Variants in CEP164 observed in about 807,000 individuals in gnomAD.
CEP164 encodes the protein centrosomal protein of 164 kDa.
CEP164 carries 162 observed loss-of-function variants against 182.7 expected under a neutral mutation model. The observed-to-expected ratio is 0.89, with a 90% CI of 0.78 to 1.01. The LOEUF is 1.01. CEP164 is among the 50% of genes least tolerant of loss of function. The pLI, the probability that CEP164 is intolerant of heterozygous loss-of-function variation, is 0.00. For synonymous variants in CEP164, 661 were observed against 690.0 expected, an observed-to-expected ratio of 0.96 and a Z score of 0.66; for missense variants, 1,735 against 1,790.4, an observed-to-expected ratio of 0.97 and a Z score of 0.56.
intron 12 of CEP164, 134 bp downstream of exon 12, chr11:117,380,839 G>A (rs1448287123): frequency 5.5e-6 from 4 of 730,076 alleles, no homozygotes; most frequent in Non-Finnish European, 6.9e-6. Context: ...TGGCTGGATG[G>A]CCTTGCAGGG....
At chr11:117,387,460 T>C in intron 15 of CEP164, 48 bp downstream of exon 15, 1 of 1,583,576 alleles carries the variant, frequency 6.3e-7, no homozygotes, top group South Asian at 1.1e-5. Context: ...TTCAGGGATG[T>C]GAGGAGCCAG....
chr11:117,346,644 G>A (rs950112414), intron 4 of CEP164, among the ~76,000 whole-genome samples: 2 of 151,892 alleles, frequency 1.3e-5, no homozygotes, highest in African/African-American at 4.8e-5. Flanking sequence ...TTGGAGGATT[G>A]CTTGAGCTCA....
chr11:117,395,572 T>A lies in CEP164; in HGVS notation c.2939T>A (p.Leu980Gln), dbSNP rs553903402. 1 of 1,613,008 alleles carries A rather than the reference T, an allele frequency of 6.2e-7. No individual in the cohort carries two copies. The highest frequency in any genetic ancestry group is 2.2e-5 in the East Asian group (1 of 44,870). Reference protein sequence around the residue: ...SEEATATHQQLEEAQKEHTHL... With the variant: ...SEEATATHQQQEEAQKEHTHL... ...GAAGCCACAGCCACCCATCAGCAGC[T>A]GGAGGAGGCACAGAAGGAGCACACC... The change falls in exon 24 of 33, where the codon CTG becomes CAG. Residue 980 changes from leucine (L) to glutamine (Q), a missense_variant. By Grantham distance (113) the Leu-to-Gln change is moderately radical. Coordinates refer to ENST00000278935, the MANE Select transcript of CEP164 (RefSeq NM_014956.5).
chr11:117,338,495 C>T lies in CEP164; in HGVS notation c.-21-71C>T, dbSNP rs2037558559. On this transcript the variant is annotated intron_variant, in intron 2 of 32. Transcript: ENST00000278935. ...GGTTTGACCCAGATGCTCCATGACC[C>T]AGTGCCAACTTTTCCCCTGTTAAGC... 2.7e-6 allele frequency: 3 copies of T among 1,122,576 alleles called. No homozygotes were observed. In the South Asian group the frequency reaches 3.8e-5, roughly 14 times the overall value. The allele number at this position is 1,122,576 out of a possible 1,614,324, so 69.5% of individuals were successfully genotyped here. A position where few individuals can be genotyped will look rare whatever the true frequency, so the allele number is the denominator to read the frequency against.
intron 5 of CEP164, chr11:117,356,036 T>G (rs1464829065): frequency 9.2e-7 from 1 of 1,082,300 alleles, no homozygotes; most frequent in Non-Finnish European, 1.1e-6. Context: ...CAACCTGGCC[T>G]CACACCTGGG....
chr11:117,397,866 C>G (rs937604004), intron 27 of CEP164, among the ~76,000 whole-genome samples: 9 of 152,136 alleles, frequency 5.9e-5, no homozygotes, highest in Admixed American at 5.2e-4. Context: ...AGAGCCAAAC[C>G]ATATCATTCC....
At position 117,409,178 on chromosome 11, in the gene CEP164, G is replaced by A; in HGVS notation, c.3748+150G>A. The A allele has an allele frequency of 1.9e-6, 2 of 1,044,864 alleles. No individual in the cohort carries two copies. Among genetic ancestry groups the A allele is most frequent in the Non-Finnish European group, 2.7e-6 (2 of 729,386 alleles). The allele number at this position is 1,044,864 out of a possible 1,614,324, so 64.7% of individuals were successfully genotyped here. A position where few individuals can be genotyped will look rare whatever the true frequency, so the allele number is the denominator to read the frequency against. On this transcript the variant is annotated intron_variant, in intron 29 of 32. Transcript: ENST00000278935. This position sits in a 1 kb window ranked among gnomAD's most constrained non-coding sequence, Gnocchi z 4.4. Reference sequence around the variant, plus strand: ...CTAGGTGCTCGGTCAGTGCTGGGAAGGAATCACACCATCTAGGTTTGCCAG... The same window carrying A: ...CTAGGTGCTCGGTCAGTGCTGGGAAAGAATCACACCATCTAGGTTTGCCAG...
In CEP164 at chr11:117,394,774, C is replaced by A; in HGVS notation, c.2761-146C>A. ...GAAGTAAACAAGGTGTGGAGCCTTC[C>A]TGGGAGGCTGCAGGGGCACACAGCG... On this transcript the variant is annotated intron_variant, in intron 21 of 32. Coordinates refer to ENST00000278935, the MANE Select transcript of CEP164 (RefSeq NM_014956.5). This position sits in a 1 kb window ranked among gnomAD's most constrained non-coding sequence, Gnocchi z 4.0. 1 of 939,558 alleles carries A rather than the reference C, an allele frequency of 1.1e-6. No homozygotes were observed. Among genetic ancestry groups the A allele is most frequent in the Non-Finnish European group, 1.6e-6 (1 of 608,044 alleles). 58.2% of individuals were successfully genotyped at this position (939,558 alleles called of 1,614,324 possible). A position where few individuals can be genotyped will look rare whatever the true frequency, so the allele number is the denominator to read the frequency against.
In CEP164 at chr11:117,387,387, C is replaced by T; in HGVS notation, c.1909C>T (p.His637Tyr). The change falls in exon 15 of 33, where the codon CAC becomes TAC. Residue 637 changes from histidine to tyrosine, a missense_variant. Coordinates refer to ENST00000278935, the MANE Select transcript of CEP164 (RefSeq NM_014956.5). The part of the protein sequence containing the change: ...QEEEEEILRL[H>Y]QQKEQSLSSL... ...GGAGGAAGAGGAGATCCTCCGGCTT[C>T]ACCAGCAGAAAGAGCAATCTCTCAG... 5 of 1,614,150 alleles carry T rather than the reference C, an allele frequency of 3.1e-6. No individual in the cohort carries two copies. Among genetic ancestry groups the T allele is most frequent in the Non-Finnish European group, 4.2e-6 (5 of 1,180,038 alleles).
At position 117,409,781 on chromosome 11, in the gene CEP164, G is replaced by A. The variant is rs146634951; in HGVS notation, c.3912G>A (p.Arg1304=). 2.4e-5 allele frequency: 39 copies of A among 1,613,712 alleles called. No homozygotes were observed. In the African/African-American group the frequency reaches 5.1e-4, roughly 21 times the overall value. The change falls in exon 30 of 33, where the codon CGG becomes CGA. Residue 1304 remains arginine (R), a synonymous_variant. Coordinates refer to ENST00000278935, the MANE Select transcript of CEP164 (RefSeq NM_014956.5). The surrounding 1 kb of genome is among the most constrained non-coding windows in gnomAD (Gnocchi z 4.4). ...LASMPAQLPP[R]DPKSTPTPTY... ...CCATGCCAGCCCAGCTCCCTCCCCGGGACCCTAAGAGCACCCCCACCCCCA... is the reference window on the plus strand; with the variant it reads ...CCATGCCAGCCCAGCTCCCTCCCCGAGACCCTAAGAGCACCCCCACCCCCA...
intron 23 of CEP164, 78 bp from the exon 24 acceptor site, chr11:117,395,469 C>G: frequency 6.1e-6 from 9 of 1,470,650 alleles, no homozygotes; most frequent in Non-Finnish European, 7.3e-6. Flanking sequence ...TTTGGCTTCC[C>G]TACCCTCTCG....
At chr11:117,330,815 T>C (rs1303783878) in intron 1 of CEP164, among the ~76,000 whole-genome samples, 1 of 152,232 alleles carries the variant, frequency 6.6e-6, no homozygotes, top group Non-Finnish European at 1.5e-5. Flanking sequence ...CCTTAGTATA[T>C]TTTAAGCACT....
chr11:117,364,240 C>A (rs2041363350), intron 8 of CEP164, among the ~76,000 whole-genome samples: 1 of 152,164 alleles, frequency 6.6e-6, no homozygotes, highest in African/African-American at 2.4e-5. Flanking sequence ...GTTGCAGGCT[C>A]AATCAGTTAA....
intron 4 of CEP164, among the ~76,000 whole-genome samples, chr11:117,346,504 G>A (rs919143988): frequency 6.6e-6 from 1 of 151,794 alleles, no homozygotes; most frequent in African/African-American, 2.4e-5. Flanking sequence ...TGATCTGCCC[G>A]CCTTGTCCTC....
chr11:117,395,741 A>T lies in CEP164; in HGVS notation c.3089+19A>T. ...ACTTCAGGTGGCGTGGGCACCCTGC[A>T]CTTAGCCCTGCTGGCTGCCTCCTGC... On this transcript the variant is annotated intron_variant, in intron 24 of 32. Coordinates refer to ENST00000278935, the MANE Select transcript of CEP164 (RefSeq NM_014956.5). The T allele has an allele frequency of 1.9e-6, 3 of 1,594,314 alleles. No homozygotes were observed. Among genetic ancestry groups the T allele is most frequent in the Non-Finnish European group, 2.6e-6 (3 of 1,170,692 alleles).
rs1185458271 is a variant in CEP164 at position 117,392,504 on chromosome 11, C to T, written c.2370C>T (p.Ser790=). ...SLEAKHREVV[S]SLQKKIQEAQ... is the part of the protein sequence containing the mutation. ...TGCGGGGGCCTCCTCAGGTGGTCTC[C>T]AGCCTCCAGAAGAAGATACAGGAAG... Residue 790 remains serine, a synonymous_variant, in exon 19 of 33, where the codon TCC becomes TCT. Transcript: ENST00000278935. 1 of 1,613,838 alleles carries T rather than the reference C, an allele frequency of 6.2e-7. No homozygotes were observed. Among genetic ancestry groups the T allele is most frequent in the South Asian group, 1.1e-5 (1 of 91,022 alleles).
At chr11:117,355,092 A>T in intron 5 of CEP164, 1 of 1,289,804 alleles carries the variant, frequency 7.8e-7, no homozygotes, top group Non-Finnish European at 1.0e-6. Context: ...ATGCTGGGTG[A>T]CACTCCCTGG....
At chr11:117,375,839 A>G (rs1275974417) in intron 11 of CEP164, 48 bp downstream of exon 11, 1 of 1,577,064 alleles carries the variant, frequency 6.3e-7, no homozygotes, top group African/African-American at 1.4e-5. Flanking sequence ...ATTTTCCCTC[A>G]CAACTTTTTC....
rs376718804 is a variant in CEP164 at position 117,349,884 on chromosome 11, C to T, written c.195-1906C>T. The stretch of plus-strand genomic sequence containing the variant: ...TCACCTCCTGGGTTCAAGTGATTCT[C>T]CTGCCTTAGCCTCCTGAGTAGCTGG... On this transcript the variant is annotated intron_variant, in intron 4 of 32. Coordinates refer to ENST00000278935, the MANE Select transcript of CEP164 (RefSeq NM_014956.5). Among the ~76,000 whole-genome samples the T allele has an allele frequency of 2.4e-3, 363 of 152,248 alleles. 14 individuals are homozygous for T. The South Asian group carries it at 0.048, about 20-fold the overall frequency.
Sources: gnomAD v4.1 joint callset for allele counts (sites outside exome capture counted in the v4.1 genomes callset) on GRCh38, gnomAD v4.1.1 for gene constraint, Gnocchi (gnomAD v3.1) non-coding constraint, MANE v1.5 for transcripts, NCBI Gene and HGNC (gene_info 2026-07-23, HGNC 2026-07-21) for gene names.